Variants in USP34 observed in about 807,000 individuals in gnomAD.
The protein encoded by USP34 is ubiquitin specific peptidase 34, also known as ubiquitin carboxyl-terminal hydrolase 34.
A neutral mutation model predicts 460.3 loss-of-function variants in USP34; 70 were observed. That is an observed-to-expected ratio of 0.15 (90% CI 0.13 to 0.19). The LOEUF (loss-of-function observed/expected upper bound fraction) is 0.19. Ranked by LOEUF, USP34 falls within the 10% of genes least tolerant of loss-of-function variation. The pLI is 1.00. For synonymous variants in USP34, 1,647 were observed against 1,405.3 expected (o/e 1.17, Z -3.85); for missense variants, 3,985 against 4,236.2 (o/e 0.94, Z 1.65).
intron 21 of USP34, among the ~76,000 whole-genome samples, chr2:61,324,781 G>C (rs965629861): frequency 6.6e-6 from 1 of 151,820 alleles, no homozygotes; most frequent in African/African-American, 2.4e-5. Flanking sequence ...AAAAAAGAAA[G>C]AGAAAAGGTC....
intron 41 of USP34, among the ~76,000 whole-genome samples, chr2:61,268,568 C>T (rs183928724): frequency 6.7e-4 from 102 of 151,266 alleles, no homozygotes; most frequent in African/African-American, 2.3e-3. Flanking sequence ...AACAAATAAA[C>T]CTCTTTTTTT....
At chr2:61,369,934 T>G (rs919982813) in intron 10 of USP34, among the ~76,000 whole-genome samples, 2 of 151,468 alleles carry the variant, frequency 1.3e-5, no homozygotes, top group African/African-American at 4.8e-5. Context: ...TGTAATATAT[T>G]TTTTATATTT....
At chr2:61,379,126 C>T (rs1378914368) in intron 7 of USP34, among the ~76,000 whole-genome samples, 1 of 152,072 alleles carries the variant, frequency 6.6e-6, no homozygotes, top group East Asian at 1.9e-4. Context: ...GGGACAATAT[C>T]AACAAGTATC....
In USP34 at chr2:61,470,658, A is replaced by T; in HGVS notation, c.35T>A (p.Leu12Ter). 6.3e-7 allele frequency: 1 copy of T among 1,595,428 alleles called. No individual in the cohort carries two copies. The highest frequency in any genetic ancestry group is 1.4e-5 in the African/African-American group (1 of 72,526). Residue 12 changes from leucine to a stop codon, truncating the protein, a stop_gained, in exon 1 of 80, where the codon TTA (leucine) becomes TAA (stop). Transcript: ENST00000398571. LOFTEE classifies it high-confidence loss of function. ...CENCADLVEV[L>*]NEISDVEGGD... ...CTACCGCGGCTACTTACTTTCATTT[A>T]ACACCTCCACCAGGTCTGCGCAGTT...
At chr2:61,206,920 T>C (rs1462303291) in intron 70 of USP34, 34 bp from the exon 71 acceptor site, 1 of 1,603,640 alleles carries the variant, frequency 6.2e-7, no homozygotes, top group Admixed American at 1.7e-5. Context: ...AAAACTTAAT[T>C]TCATTTTTGC....
At chr2:61,257,709 C>T (rs1226485214) in intron 44 of USP34, among the ~76,000 whole-genome samples, 1 of 151,848 alleles carries the variant, frequency 6.6e-6, no homozygotes, top group African/African-American at 2.4e-5. Flanking sequence ...CCATCCTGGC[C>T]ATCCTTTACC....
intron 48 of USP34, 112 bp from the exon 49 acceptor site, chr2:61,248,795 A>T (rs1688491430): frequency 2.9e-6 from 3 of 1,023,824 alleles, no homozygotes; most frequent in Admixed American, 5.9e-5. Flanking sequence ...TAAGAAGTAT[A>T]GTAGTTCCCC....
rs1052484410 is a variant in USP34, at chr2:61,240,474, T to C, written c.6777+1086A>G. On this transcript the variant is annotated intron_variant, in intron 53 of 79. Coordinates refer to ENST00000398571, the MANE Select transcript of USP34 (RefSeq NM_014709.4). ...TTTGTATTTTTAGTAGAGATGGGGT[T>C]TTACCATGTTAGGCAGGATGGTCTC... 4.6e-5 allele frequency among the ~76,000 whole-genome samples: 7 copies of C among 152,158 alleles called. No individual in the cohort carries two copies. The East Asian group carries it at 9.7e-4, about 21-fold the overall frequency.
At chr2:61,417,057 G>T in intron 2 of USP34, 1 of 1,343,706 alleles carries the variant, frequency 7.4e-7, no homozygotes, top group Non-Finnish European at 1.1e-6. Context: ...CGGGGAACTT[G>T]AACTTGGCCC....
intron 64 of USP34, 135 bp from the exon 65 acceptor site, chr2:61,222,798 G>C (rs760909766): frequency 4.7e-5 from 38 of 812,414 alleles, no homozygotes; most frequent in Non-Finnish European, 6.9e-5. Context: ...TCAGGCTCAA[G>C]CGATCCTCCT....
chr2:61,468,330 T>G (rs1025160878), intron 1 of USP34, among the ~76,000 whole-genome samples: 1 of 152,192 alleles, frequency 6.6e-6, no homozygotes, highest in Non-Finnish European at 1.5e-5. Context: ...ATTACAAGCA[T>G]GTGCCACCAC....
chr2:61,451,236 A>AAAAAAAAAAAAAAAAAAAAT (rs1695266342), intron 1 of USP34, among the ~76,000 whole-genome samples: 1 of 149,542 alleles, frequency 6.7e-6, no homozygotes, highest in Non-Finnish European at 1.5e-5. Flanking sequence ...AAAAAAAAAA[A>AAAAAAAAAAAAAAAAAAAAT]AAAAAAAAAG....
At chr2:61,350,817 T>A in intron 10 of USP34, 124 bp from the exon 11 acceptor site, 3 of 875,412 alleles carry the variant, frequency 3.4e-6, no homozygotes, top group African/African-American at 1.7e-5. Flanking sequence ...AATATGACGG[T>A]AAAATGCTAA....
chr2:61,209,670 G>GTATTTAT (rs1286275209), intron 69 of USP34, among the ~76,000 whole-genome samples: 1 of 152,142 alleles, frequency 6.6e-6, no homozygotes, highest in Non-Finnish European at 1.5e-5. Context: ...CTATGTTACT[G>GTATTTAT]GTTTATGTAT....
At chr2:61,349,868 CAA>C (rs1439037304) in intron 12 of USP34, among the ~76,000 whole-genome samples, 1 of 64,480 alleles carries the variant, frequency 1.6e-5, no homozygotes, top group African/African-American at 6.0e-5. Flanking sequence ...ACAACAACAA[CAA>C]AAAAACCCCA....
At chr2:61,259,565 T>C (rs1022961851) in intron 44 of USP34, 146 bp downstream of exon 44, 18 of 577,836 alleles carry the variant, frequency 3.1e-5, no homozygotes, top group Admixed American at 2.1e-4. Flanking sequence ...TTTTTTTTTT[T>C]AGTAGAGATG....
chr2:61,295,067 C>T lies in USP34; in HGVS notation c.4378-35G>A, dbSNP rs748794429. The T allele has an allele frequency of 2.6e-5, 41 of 1,602,096 alleles. 1 individual carries two copies. The African/African-American group carries it at 3.4e-4, about 13-fold the overall frequency. On this transcript the variant is annotated intron_variant, in intron 31 of 79. Coordinates refer to ENST00000398571, the MANE Select transcript of USP34 (RefSeq NM_014709.4). ...AGGCAAAAAAAGTAAGGCAGAATGG[C>T]GGAAGAAAGAATTATTATAGAATGG...
intron 60 of USP34, 46 bp from the exon 61 acceptor site, chr2:61,228,765 A>G (rs1382315610): frequency 3.1e-6 from 5 of 1,597,132 alleles, no homozygotes; most frequent in Non-Finnish European, 4.3e-6. Context: ...AATAAAAGCA[A>G]TTAAGTTGCA....
At chr2:61,452,195 A>C (rs1259009464) in intron 1 of USP34, among the ~76,000 whole-genome samples, 1 of 151,822 alleles carries the variant, frequency 6.6e-6, no homozygotes, top group Non-Finnish European at 1.5e-5. Context: ...AAAAGAAAGA[A>C]AAAGACTTAA....
Sources: allele counts gnomAD v4.1 joint callset (sites outside exome capture counted in the v4.1 genomes callset), GRCh38; gene constraint gnomAD v4.1.1; transcripts MANE v1.5; gene names NCBI Gene and HGNC (gene_info 2026-07-23, HGNC 2026-07-21).